The following PCDHA1 variants were observed in gnomAD, a reference collection of about 807,000 sequenced individuals.
The protein encoded by PCDHA1 is protocadherin alpha 1, also known as protocadherin alpha-1.
Under a neutral mutation model 61.3 loss-of-function variants are expected in PCDHA1, and 42 were observed. The observed-to-expected ratio is 0.69, with a 90% CI of 0.54 to 0.89. PCDHA1 has a LOEUF of 0.89. PCDHA1 is among the 40% of genes least tolerant of loss of function. The pLI is 0.00. For synonymous variants in PCDHA1, 610 were observed against 553.8 expected (o/e 1.10, Z -1.43); for missense variants, 1,256 against 1,235.3 (o/e 1.02, Z -0.25).
intron 3 of PCDHA1, 71 bp from the exon 4 acceptor site, chr5:141,009,556 A>T: frequency 6.4e-7 from 1 of 1,564,868 alleles, no homozygotes; most frequent in Non-Finnish European, 8.7e-7. Flanking sequence ...GTACTCCTGT[A>T]CTCTACCAGC....
At chr5:140,973,089 T>G (rs534319830) in intron 1 of PCDHA1, among the ~76,000 whole-genome samples, 2 of 152,308 alleles carry the variant, frequency 1.3e-5, no homozygotes, top group East Asian at 3.9e-4. Flanking sequence ...TGGCACAACA[T>G]GTAGAAATTA....
intron 1 of PCDHA1, chr5:140,834,326 A>G: frequency 1.4e-6 from 2 of 1,449,926 alleles, no homozygotes; most frequent in South Asian, 1.3e-5. Flanking sequence ...GGATAAAAAC[A>G]TTCCTATAAA....
chr5:140,862,838 T>A (rs555167030), intron 1 of PCDHA1: 1 of 575,064 alleles, frequency 1.7e-6, no homozygotes, highest in South Asian at 1.4e-5. Flanking sequence ...GACGCGGGCA[T>A]GCCGCCTCTG....
At chr5:140,795,662 T>C (rs1761981592) in intron 1 of PCDHA1, 2 of 1,613,978 alleles carry the variant, frequency 1.2e-6, no homozygotes, top group African/African-American at 1.3e-5. Flanking sequence ...ATTAAGGTAT[T>C]AGATGTAAAT....
Position 140,787,522 on chromosome 5 carries a change from G to C in PCDHA1, c.1232G>C (p.Ser411Thr), listed in dbSNP as rs1202490166. 6.2e-7 allele frequency: 1 copy of C among 1,614,102 alleles called. No individual in the cohort carries two copies. The highest frequency in any genetic ancestry group is 2.2e-5 in the East Asian group (1 of 44,892). The change falls in exon 1 of 4, where the codon AGC (serine) becomes ACC (threonine). Residue 411 changes from serine (S) to threonine (T), a missense_variant. By Grantham distance (58) the Ser-to-Thr change is moderately conservative (BLOSUM62 1). Coordinates refer to ENST00000504120, the MANE Select transcript of PCDHA1 (RefSeq NM_018900.4). The stretch of plus-strand genomic sequence containing the variant: ...AATTACTACTCGTTGGTGTTGGACA[G>C]CGCCCTGGATCGCGAGAGCCTGTCG... ...FKNYYSLVLD[S>T]ALDRESLSVY...
chr5:140,886,463 GT>G (rs1387154249), intron 1 of PCDHA1, among the ~76,000 whole-genome samples: 5 of 152,042 alleles, frequency 3.3e-5, no homozygotes, highest in East Asian at 1.9e-4. Flanking sequence ...ATATATAAAT[GT>G]TTTTAAAATG....
rs146340581 is a variant in PCDHA1, at chr5:140,957,263, C to T, written c.2395-21686C>T. On this transcript the variant is annotated intron_variant, in intron 1 of 3. Transcript: ENST00000504120. ...TCTACCTAAAATTTAAATATGTAAG[C>T]ACTAGTCCCCCCTTACCTGCAGTTT... Among the ~76,000 whole-genome samples, 73 of 152,260 alleles carry T rather than the reference C, an allele frequency of 4.8e-4. No homozygotes were observed. In the East Asian group the frequency reaches 0.01, roughly 22 times the overall value.
intron 1 of PCDHA1, chr5:140,850,811 C>T: frequency 6.3e-7 from 1 of 1,598,320 alleles, no homozygotes; most frequent in Non-Finnish European, 8.6e-7. Flanking sequence ...TCATGGCCTT[C>T]AGCCCGGGCC....
chr5:140,803,015 G>A (rs1554122524), intron 1 of PCDHA1: 1 of 1,613,924 alleles, frequency 6.2e-7, no homozygotes, highest in Non-Finnish European at 8.5e-7. Context: ...ACAACGCGTG[G>A]CTTTCGTATG....
intron 3 of PCDHA1, among the ~76,000 whole-genome samples, chr5:141,000,931 T>G (rs1422337935): frequency 1.3e-5 from 2 of 152,188 alleles, no homozygotes; most frequent in African/African-American, 4.8e-5. Flanking sequence ...CCTGTGTGAT[T>G]TAGGACAAAT....
chr5:140,860,505 A>T (rs2046425472), intron 1 of PCDHA1: 1 of 152,218 alleles, frequency 6.6e-6, no homozygotes, highest in African/African-American at 2.4e-5. Flanking sequence ...TACATACAAG[A>T]TAAAACTCTT....
intron 1 of PCDHA1, chr5:140,802,685 A>G (rs1045949205): frequency 2.4e-5 from 38 of 1,612,942 alleles, no homozygotes; most frequent in Non-Finnish European, 3.1e-5. Context: ...CGCTGGTGGA[A>G]CGGCGGGTGG....
At chr5:140,820,800 A>G (rs2150108039) in intron 1 of PCDHA1, among the ~76,000 whole-genome samples, 2 of 152,224 alleles carry the variant, frequency 1.3e-5, no homozygotes, top group South Asian at 2.1e-4. Context: ...AAAGGTATGT[A>G]TTTTACAATT....
intron 1 of PCDHA1, chr5:140,869,050 A>T: frequency 1.3e-6 from 2 of 1,533,074 alleles, no homozygotes; most frequent in South Asian, 2.6e-5. Context: ...GAAACTGAAG[A>T]ATCTGGTACT....
intron 1 of PCDHA1, among the ~76,000 whole-genome samples, chr5:140,950,241 G>T (rs191139851): frequency 2.0e-5 from 3 of 152,014 alleles, no homozygotes; most frequent in African/African-American, 4.8e-5. Flanking sequence ...CCATTAATTT[G>T]TTCCTAAAGA....
chr5:140,987,336 A>G (rs2097249605), intron 3 of PCDHA1, among the ~76,000 whole-genome samples: 1 of 152,200 alleles, frequency 6.6e-6, no homozygotes, highest in Admixed American at 6.5e-5. Context: ...GAACTGGTCT[A>G]AGGTAAATAT....
rs1490925820 is a variant in PCDHA1, at chr5:140,842,691, A to G, written c.2394+54007A>G. On this transcript the variant is annotated intron_variant, in intron 1 of 3. Coordinates refer to ENST00000504120, the MANE Select transcript of PCDHA1 (RefSeq NM_018900.4). The stretch of plus-strand genomic sequence containing the variant: ...AACGACAATGCTCCGGCGTTCGCGC[A>G]GCCCGAGTACACGGTGTTCGTGAAG... The G allele has an allele frequency of 1.9e-6, 3 of 1,595,232 alleles. 1 individual carries two copies. Among genetic ancestry groups the G allele is most frequent in the Non-Finnish European group, 2.6e-6 (3 of 1,165,546 alleles).
At chr5:140,893,987 T>A (rs112405686) in intron 1 of PCDHA1, among the ~76,000 whole-genome samples, 1 of 152,202 alleles carries the variant, frequency 6.6e-6, no homozygotes, top group Non-Finnish European at 1.5e-5. Context: ...TTTTAAAATA[T>A]CTCCAATTGT....
At chr5:140,944,608 G>T (rs2093673405) in intron 1 of PCDHA1, among the ~76,000 whole-genome samples, 1 of 152,176 alleles carries the variant, frequency 6.6e-6, no homozygotes, top group Non-Finnish European at 1.5e-5. Context: ...AGAGTAGTGT[G>T]CTGTAGAAGT....
Sources: gnomAD v4.1 joint callset for allele counts (sites outside exome capture counted in the v4.1 genomes callset) on GRCh38, gnomAD v4.1.1 for gene constraint, MANE v1.5 for transcripts, NCBI Gene and HGNC (gene_info 2026-07-23, HGNC 2026-07-21) for gene names.